ADAD1: variants seen among roughly 807,000 people sequenced by gnomAD.
ADAD1 encodes the protein adenosine deaminase domain-containing protein 1.
A neutral mutation model predicts 66.8 loss-of-function variants in ADAD1; 46 were observed. The ratio of observed to expected loss-of-function variants is 0.69; its 90% CI spans 0.54 to 0.88. The LOEUF (loss-of-function observed/expected upper bound fraction) is 0.88, where lower values mean the gene tolerates loss of function less well. Ranked by LOEUF, ADAD1 falls within the 40% of genes least tolerant of loss-of-function variation. ADAD1 has a pLI of 0.00. For synonymous variants in ADAD1, 248 were observed against 229.4 expected, an observed-to-expected ratio of 1.08 and a Z score of -0.73; for missense variants, 617 against 681.8, an observed-to-expected ratio of 0.91 and a Z score of 1.06.
intron 7 of ADAD1, among the ~76,000 whole-genome samples, chr4:122,403,143 C>G (rs1448543540): frequency 6.6e-6 from 1 of 152,146 alleles, no homozygotes; most frequent in Non-Finnish European, 1.5e-5. Context: ...ATCTGGAACT[C>G]AAGGCCTGCT....
At chr4:122,421,445 TG>T in intron 12 of ADAD1, 55 bp downstream of exon 12, 1 of 1,380,368 alleles carries the variant, frequency 7.2e-7, no homozygotes, top group South Asian at 1.9e-5. Flanking sequence ...GACATTAATG[TG>T]GTCATTTTAA....
At chr4:122,399,150 G>T (rs1795852569) in intron 7 of ADAD1, among the ~76,000 whole-genome samples, 1 of 152,072 alleles carries the variant, frequency 6.6e-6, no homozygotes, top group Non-Finnish European at 1.5e-5. Context: ...TTTGTATAAG[G>T]TGAGAGATGA....
chr4:122,387,743 T>G (rs992756803), intron 5 of ADAD1, among the ~76,000 whole-genome samples: 6 of 148,876 alleles, frequency 4.0e-5, no homozygotes, highest in Admixed American at 6.7e-5. Flanking sequence ...ATTGAGAGGT[T>G]TTTTTTTTTT....
At chr4:122,397,391 C>G (rs1322663056) in intron 7 of ADAD1, among the ~76,000 whole-genome samples, 1 of 152,106 alleles carries the variant, frequency 6.6e-6, no homozygotes, top group Non-Finnish European at 1.5e-5. Context: ...CTTAACGTCT[C>G]TATGCTTTAA....
At chr4:122,420,397 A>G (rs1796947716) in intron 11 of ADAD1, among the ~76,000 whole-genome samples, 1 of 152,184 alleles carries the variant, frequency 6.6e-6, no homozygotes, top group Non-Finnish European at 1.5e-5. Context: ...CTTACCCTCT[A>G]ATAGGCTAGT....
Position 122,388,450 on chromosome 4 carries a change from T to A in ADAD1, c.529+4484T>A, listed in dbSNP as rs28857772. 7.0e-3 allele frequency among the ~76,000 whole-genome samples: 1,065 copies of A among 152,314 alleles called. 7 individuals are homozygous for A. Among genetic ancestry groups the A allele is most frequent in the African/African-American group, 0.024 (1,010 of 41,566 alleles). On this transcript the variant is annotated intron_variant, in intron 5 of 12. Transcript: ENST00000296513. ...TAGTTTCAGAAGGAATGGTACCAGC[T>A]CCTCTTTGTATTTCTGGTAGAATTC...
chr4:122,382,969 A>T lies in ADAD1; in HGVS notation c.362-830A>T, dbSNP rs372016148. ...ATGTGAGGAAATAAGAGTGGGGTTT[A>T]TGTGTGGCAGCATTGTATGTAGCCA... On this transcript the variant is annotated intron_variant, in intron 4 of 12. Coordinates refer to ENST00000296513, the MANE Select transcript of ADAD1 (RefSeq NM_139243.4). Among the ~76,000 whole-genome samples, 65 of 152,300 alleles carry T rather than the reference A, an allele frequency of 4.3e-4. 1 individual carries two copies. The East Asian group carries it at 8.3e-3, about 19-fold the overall frequency.
intron 7 of ADAD1, among the ~76,000 whole-genome samples, chr4:122,400,472 T>G (rs897778761): frequency 1.1e-4 from 16 of 152,046 alleles, no homozygotes; most frequent in African/African-American, 3.6e-4. Flanking sequence ...TTTCTTTTTA[T>G]TTAATGTCTT....
Position 122,411,489 on chromosome 4 carries a change from C to T in ADAD1, c.1019+97C>T, listed in dbSNP as rs1367662126. On this transcript the variant is annotated intron_variant, in intron 9 of 12. Transcript: ENST00000296513. ...AATAGAACATATAAATTCTAATTAC[C>T]CGTATTTTCTCTTCAGCTTTGAGTT... is the stretch of plus-strand genomic sequence containing the variant. 9.8e-6 allele frequency: 12 copies of T among 1,224,030 alleles called. 1 individual carries two copies. The East Asian group carries it at 3.0e-4, about 30-fold the overall frequency. The allele number at this position is 1,224,030 out of a possible 1,614,324, so 75.8% of individuals were successfully genotyped here. A position where few individuals can be genotyped will look rare whatever the true frequency, so the allele number is the denominator to read the frequency against.
chr4:122,393,597 C>G lies in ADAD1; in HGVS notation c.538C>G (p.Pro180Ala). The change falls in exon 6 of 13, where the codon CCT becomes GCT. Residue 180 changes from proline to alanine, a missense_variant. Transcript: ENST00000296513. ...TTTTGTTTTGTTTACAGGTCCTCCT[C>G]CTTTCCCTGCAGAACCTGTTGTTTT... ...PRILETSGPP[P>A]FPAEPVVLSE... is the part of the protein sequence containing the mutation. 2 of 1,596,762 alleles carry G rather than the reference C, an allele frequency of 1.3e-6. No homozygotes were observed. The highest frequency in any genetic ancestry group is 1.7e-6 in the Non-Finnish European group (2 of 1,173,250).
At chr4:122,393,080 AC>A (rs1399171072) in intron 5 of ADAD1, among the ~76,000 whole-genome samples, 6 of 148,256 alleles carry the variant, frequency 4.0e-5, no homozygotes, top group African/African-American at 1.5e-4. Context: ...TGGTTTTTAA[AC>A]TTTTTTCTGT....
intron 8 of ADAD1, among the ~76,000 whole-genome samples, chr4:122,408,944 TA>T (rs1796350937): frequency 6.6e-6 from 1 of 152,160 alleles, no homozygotes; most frequent in African/African-American, 2.4e-5. Context: ...TTTTTATGAC[TA>T]AAGTTACTGG....
chr4:122,422,976 A>AG (rs1560607808), intron 12 of ADAD1, among the ~76,000 whole-genome samples: 8 of 150,786 alleles, frequency 5.3e-5, no homozygotes, highest in African/African-American at 1.9e-4. Flanking sequence ...AAAAAAAAAA[A>AG]AAAGAAGAAG....
chr4:122,417,732 A>G (rs1357166151), intron 11 of ADAD1, among the ~76,000 whole-genome samples: 1 of 152,220 alleles, frequency 6.6e-6, no homozygotes. Context: ...TAGAACACTA[A>G]CAAAAAGCTG....
At chr4:122,410,183 G>A (rs1161541013) in intron 8 of ADAD1, among the ~76,000 whole-genome samples, 1 of 152,096 alleles carries the variant, frequency 6.6e-6, no homozygotes, top group African/African-American at 2.4e-5. Context: ...TAATAATGAG[G>A]AATCCTATAA....
intron 7 of ADAD1, among the ~76,000 whole-genome samples, chr4:122,397,098 C>T (rs1795752635): frequency 6.6e-6 from 1 of 151,926 alleles, no homozygotes; most frequent in Non-Finnish European, 1.5e-5. Flanking sequence ...GACATTTTTG[C>T]AGAGAGAAAG....
At chr4:122,409,735 T>C (rs1391738568) in intron 8 of ADAD1, among the ~76,000 whole-genome samples, 1 of 152,126 alleles carries the variant, frequency 6.6e-6, no homozygotes, top group East Asian at 1.9e-4. Context: ...AGTCTTACGC[T>C]GTTGCCCAGG....
At position 122,412,732 on chromosome 4, in the gene ADAD1, G is replaced by T; in HGVS notation, c.1172G>T (p.Arg391Ile). Residue 391 changes from arginine to isoleucine, a missense_variant, in exon 10 of 13, where the codon AGA (arginine) becomes ATA (isoleucine). Arg to Ile is a moderately conservative substitution (Grantham distance 97). Transcript: ENST00000296513. The stretch of plus-strand genomic sequence containing the variant: ...ATGTCCTCAAGTGACAAATTGACCA[G>T]ATGGGAAGTGCTTGGTGTACAGGGA... The part of the protein sequence containing the change: ...SSMSSSDKLT[R>I]WEVLGVQGAL... 1.2e-6 allele frequency: 2 copies of T among 1,613,928 alleles called. No homozygotes were observed. Among genetic ancestry groups the T allele is most frequent in the Non-Finnish European group, 1.7e-6 (2 of 1,179,850 alleles).
rs1251594513 is a variant in ADAD1, at chr4:122,383,768, T to C, written c.362-31T>C. 8 of 1,557,488 alleles carry C rather than the reference T, an allele frequency of 5.1e-6. No homozygotes were observed. The East Asian group carries it at 9.1e-5, about 18-fold the overall frequency. ...GTTTGCAAGAATATAATAAAAATTA[T>C]TGTAGCATTCATTCTGAGTTCTTTT... On this transcript the variant is annotated intron_variant, in intron 4 of 12. Transcript: ENST00000296513.
Sources: allele counts gnomAD v4.1 joint callset (sites outside exome capture counted in the v4.1 genomes callset), GRCh38; gene constraint gnomAD v4.1.1; transcripts MANE v1.5; gene names NCBI Gene and HGNC (gene_info 2026-07-23, HGNC 2026-07-21).